The following PRAG1 variants were observed in gnomAD, a reference collection of about 807,000 sequenced individuals.
The protein encoded by PRAG1 is PEAK1 related, kinase-activating pseudokinase 1, also known as inactive tyrosine-protein kinase PRAG1.
Under a neutral mutation model 95.6 loss-of-function variants are expected in PRAG1, and 110 were observed. That is an observed-to-expected ratio of 1.15 (90% confidence interval 0.99 to 1.35). The LOEUF is 1.35. PRAG1 is among the 40% of genes most tolerant of loss of function. The pLI, the probability that PRAG1 is intolerant of heterozygous loss-of-function variation, is 0.00. For missense variants in PRAG1, 2,554 were observed against 1,864.7 expected (o/e 1.37, Z -6.81); for synonymous variants, 1,052 against 819.4 (o/e 1.28, Z -4.85).
chr8:8,371,128 T>A (rs1406546169), intron 3 of PRAG1, among the ~76,000 whole-genome samples: 1 of 113,426 alleles, frequency 8.8e-6, no homozygotes, highest in African/African-American at 3.9e-5. Flanking sequence ...AGAGATTCTG[T>A]CTCAAAAAAA....
chr8:8,323,882 A>G (rs1373767755), intron 5 of PRAG1, among the ~76,000 whole-genome samples: 1 of 152,192 alleles, frequency 6.6e-6, no homozygotes, highest in Non-Finnish European at 1.5e-5. Flanking sequence ...CGCTTCGAGT[A>G]TTGATTTTGG....
rs147629264 is a variant in PRAG1 at position 8,377,166 on chromosome 8, C to A, written c.1243G>T (p.Glu415Ter). 1.2e-6 allele frequency: 2 copies of A among 1,611,804 alleles called. No homozygotes were observed. The highest frequency in any genetic ancestry group is 1.7e-6 in the Non-Finnish European group (2 of 1,179,832). ...GCTGCCTTCTTCCTCTTGGTGCTCT[C>A]AGCATAGATGGGTTCAGGCTGTGTA... ...EATQPEPIYA[E>*]STKRKKAAPV... The change falls in exon 3 of 6, where the codon GAG becomes TAG. Residue 415 changes from glutamate to a stop codon, truncating the protein, a stop_gained. Transcript: ENST00000615670. LOFTEE classifies it high-confidence loss of function.
chr8:8,319,723 A>G (rs1410308847), intron 5 of PRAG1, among the ~76,000 whole-genome samples: 1 of 152,244 alleles, frequency 6.6e-6, no homozygotes, highest in Non-Finnish European at 1.5e-5. Flanking sequence ...CAATTAAAAA[A>G]GGATACAGAA....
intron 5 of PRAG1, among the ~76,000 whole-genome samples, chr8:8,327,494 T>C (rs1406365061): frequency 1.3e-5 from 2 of 152,006 alleles, no homozygotes; most frequent in African/African-American, 2.4e-5. Flanking sequence ...CGCTTTAAAA[T>C]GGGAGGCGGA....
chr8:8,381,972 C>G, intron 1 of PRAG1, 138 bp from the exon 2 acceptor site: 1 of 475,416 alleles, frequency 2.1e-6, no homozygotes, highest in Non-Finnish European at 3.7e-6. Flanking sequence ...ATTTTGGGAC[C>G]CTCGCCCATT....
In PRAG1 at chr8:8,339,720, C is replaced by A. The variant is rs993890528; in HGVS notation, c.2163-85G>T. On this transcript the variant is annotated intron_variant, in intron 3 of 5. Transcript: ENST00000615670. Reference sequence around the variant, plus strand: ...GCTGATGGATCATGAACTTACCATGCTCTTGAAACCTGGCCAATGTCAGCA... The same window carrying A: ...GCTGATGGATCATGAACTTACCATGATCTTGAAACCTGGCCAATGTCAGCA... 7.5e-6 allele frequency: 10 copies of A among 1,341,072 alleles called. No homozygotes were observed. In the East Asian group the frequency reaches 1.9e-4, roughly 25 times the overall value. The allele number at this position is 1,341,072 out of a possible 1,614,324, so 83.1% of individuals were successfully genotyped here.
chr8:8,369,961 G>T (rs1309292399), intron 3 of PRAG1, among the ~76,000 whole-genome samples: 1 of 152,084 alleles, frequency 6.6e-6, no homozygotes, highest in African/African-American at 2.4e-5. Context: ...CAATTCTCAG[G>T]ATCCTTAAGG....
Position 8,342,353 on chromosome 8 carries a change from G to GC in PRAG1, c.2163-2719dup, listed in dbSNP as rs1195563788. Among the ~76,000 whole-genome samples, 3 of 151,360 alleles carry GC rather than the reference G, an allele frequency of 2.0e-5. No homozygotes were observed. In the East Asian group the frequency reaches 6.0e-4, roughly 30 times the overall value. On this transcript the variant is annotated intron_variant, in intron 3 of 5. Transcript: ENST00000615670. ...GACTACAGGAGGCGCCCACCACCACGCCCCGCTAATTTTTTTGTATTTTTA... is the reference window on the plus strand; with the variant it reads ...GACTACAGGAGGCGCCCACCACCACGCCCCCGCTAATTTTTTTGTATTTTTA...
intron 3 of PRAG1, chr8:8,374,573 T>G: frequency 1.7e-5 from 14 of 829,686 alleles, no homozygotes; most frequent in Non-Finnish European, 1.9e-5. Context: ...GTTCTGAGGA[T>G]GAAATGAGTT....
chr8:8,386,067 G>A (rs1452927881), intron 1 of PRAG1, among the ~76,000 whole-genome samples: 1 of 152,188 alleles, frequency 6.6e-6, no homozygotes, highest in East Asian at 1.9e-4. Flanking sequence ...AAGTTTCCCC[G>A]TTTTAAAGAG....
chr8:8,376,930 A>G lies in PRAG1; in HGVS notation c.1479T>C (p.Pro493=), dbSNP rs1800424893. 1.2e-6 allele frequency: 2 copies of G among 1,613,392 alleles called. No individual in the cohort carries two copies. The highest frequency in any genetic ancestry group is 4.5e-5 in the East Asian group (2 of 44,878). Residue 493 remains proline, a synonymous_variant, in exon 3 of 6, where the codon CCT becomes CCC. Transcript: ENST00000615670. ...EDHRTIYLSS[P]DSAVGVQWPR... is the part of the protein sequence containing the mutation. Reference sequence around the variant, plus strand: ...GCCACTGCACCCCCACTGCAGAGTCAGGGCTGCTCAGGTAGATCGTCCGAT... The same window carrying G: ...GCCACTGCACCCCCACTGCAGAGTCGGGGCTGCTCAGGTAGATCGTCCGAT...
chr8:8,370,297 C>G (rs959756707), intron 3 of PRAG1, among the ~76,000 whole-genome samples: 2 of 152,224 alleles, frequency 1.3e-5, no homozygotes, highest in Non-Finnish European at 2.9e-5. Context: ...TGGCATGGCA[C>G]AGAATATAAA....
intron 3 of PRAG1, among the ~76,000 whole-genome samples, chr8:8,369,441 G>C (rs1475247900): frequency 1.3e-5 from 2 of 152,144 alleles, no homozygotes; most frequent in East Asian, 1.9e-4. Context: ...TCTGGTTTTA[G>C]GATACACTGC....
At chr8:8,331,688 G>C (rs947206296) in intron 4 of PRAG1, among the ~76,000 whole-genome samples, 1 of 152,142 alleles carries the variant, frequency 6.6e-6, no homozygotes, top group African/African-American at 2.4e-5. Context: ...GATGACCAAA[G>C]AGAACCAAGA....
At chr8:8,371,438 T>A (rs1800200965) in intron 3 of PRAG1, among the ~76,000 whole-genome samples, 1 of 151,868 alleles carries the variant, frequency 6.6e-6, no homozygotes, top group Admixed American at 6.5e-5. Context: ...TTTTTTGTAT[T>A]TTTAGTAGAG....
chr8:8,365,451 C>G (rs540618524), intron 3 of PRAG1, among the ~76,000 whole-genome samples: 1 of 151,110 alleles, frequency 6.6e-6, no homozygotes, highest in Non-Finnish European at 1.5e-5. Context: ...GGAGAAACCC[C>G]GTCTCTACTA....
At chr8:8,373,454 A>ATT (rs796490286) in intron 3 of PRAG1, among the ~76,000 whole-genome samples, 1 of 138,340 alleles carries the variant, frequency 7.2e-6, no homozygotes, top group Non-Finnish European at 1.6e-5. Context: ...TATTTTCTAG[A>ATT]TTTTTTTTTT....
At chr8:8,355,830 AG>A (rs1400033950) in intron 3 of PRAG1, among the ~76,000 whole-genome samples, 1 of 152,246 alleles carries the variant, frequency 6.6e-6, no homozygotes, top group African/African-American at 2.4e-5. Context: ...CTATGAGAAA[AG>A]AACATAGGAA....
At chr8:8,331,568 G>A (rs2979217) in intron 4 of PRAG1, among the ~76,000 whole-genome samples, 31,986 of 152,084 alleles carry the variant, frequency 0.21, 3,717 homozygotes, top group African/African-American at 0.31. Context: ...CGGTTCAATT[G>A]TTCTTCCTTC....
Sources: allele counts gnomAD v4.1 joint callset (sites outside exome capture counted in the v4.1 genomes callset), GRCh38; gene constraint gnomAD v4.1.1; transcripts MANE v1.5; gene names NCBI Gene and HGNC (gene_info 2026-07-23, HGNC 2026-07-21).